Variants in ZNRF1 observed in about 807,000 individuals in gnomAD.
ZNRF1 encodes the protein E3 ubiquitin-protein ligase ZNRF1.
A neutral mutation model predicts 18.4 loss-of-function variants in ZNRF1; 3 were observed. That is an observed-to-expected ratio of 0.16 (90% confidence interval 0.07 to 0.42). The LOEUF is 0.42. Ranked by LOEUF, ZNRF1 falls within the 10% of genes least tolerant of loss-of-function variation. The pLI is 0.99. For synonymous variants in ZNRF1, 157 were observed against 144.2 expected (o/e 1.09, Z -0.64); for missense variants, 310 against 329.8 (o/e 0.94, Z 0.47).
intron 1 of ZNRF1, among the ~76,000 whole-genome samples, chr16:75,050,818 C>T (rs1275795869): frequency 7.9e-6 from 1 of 127,212 alleles, no homozygotes; most frequent in Non-Finnish European, 1.6e-5. Context: ...TTGCAGTGAG[C>T]CAAGATTGCG....
intron 1 of ZNRF1, among the ~76,000 whole-genome samples, chr16:75,044,530 A>AT (rs35670893): frequency 0.064 from 9,168 of 143,538 alleles, 456 homozygotes; most frequent in Admixed American, 0.12. Flanking sequence ...GCACCCAGCC[A>AT]TTTTTTTTTT....
intron 4 of ZNRF1, chr16:75,106,811 G>A (rs1415968256): frequency 1.9e-5 from 9 of 463,172 alleles, no homozygotes; most frequent in Non-Finnish European, 1.6e-5. Flanking sequence ...AGGATCAGTT[G>A]GGGAAGAGAC....
chr16:74,999,260 C>T lies in ZNRF1; in HGVS notation c.-412C>T, dbSNP rs1226670915. 2.1e-5 allele frequency: 3 copies of T among 144,472 alleles called. No individual in the cohort carries two copies. Among genetic ancestry groups the T allele is most frequent in the Non-Finnish European group, 4.6e-5 (3 of 65,850 alleles). The allele number at this position is 144,472 out of a possible 1,614,324, so 8.9% of individuals were successfully genotyped here. A position where few individuals can be genotyped will look rare whatever the true frequency, so the allele number is the denominator to read the frequency against. On this transcript the variant is annotated 5_prime_UTR_variant, in exon 1 of 5. Coordinates refer to ENST00000335325, the MANE Select transcript of ZNRF1 (RefSeq NM_032268.5). ...GACGCGCCCGGCGCCCCCGGCCCTC[C>T]TCCGCCTCCTCCCGCGGGGCGGGCG... is the stretch of plus-strand genomic sequence containing the variant.
At chr16:75,101,930 C>G (rs766403454) in intron 2 of ZNRF1, among the ~76,000 whole-genome samples, 83 of 152,204 alleles carry the variant, frequency 5.5e-4, no homozygotes, top group Non-Finnish European at 4.9e-4. Context: ...ACAGACACTT[C>G]AGCAGCAGAC....
intron 1 of ZNRF1, 89 bp downstream of exon 1, chr16:75,000,184 T>C (rs958865746): frequency 7.3e-6 from 11 of 1,504,770 alleles, no homozygotes; most frequent in Non-Finnish European, 8.1e-6. Flanking sequence ...GGGAATGTAG[T>C]GCACGACCGG....
Position 75,098,087 on chromosome 16 carries a change from G to C in ZNRF1, c.520+4420G>C, listed in dbSNP as rs1386513295. Among the ~76,000 whole-genome samples the C allele has an allele frequency of 2.6e-5, 4 of 152,218 alleles. No individual in the cohort carries two copies. In the East Asian group the frequency reaches 7.7e-4, roughly 29 times the overall value. ...GGCTGGAGTCAGGCTGGACAGGCTG[G>C]AGTCAGACTGCGGAGGTGTCTGTCC... On this transcript the variant is annotated intron_variant, in intron 2 of 4. Coordinates refer to ENST00000335325, the MANE Select transcript of ZNRF1 (RefSeq NM_032268.5).
At chr16:75,043,614 G>A (rs2035476838) in intron 1 of ZNRF1, among the ~76,000 whole-genome samples, 1 of 151,922 alleles carries the variant, frequency 6.6e-6, no homozygotes, top group African/African-American at 2.4e-5. Context: ...GATAAGACAT[G>A]GTTCTTGCCC....
At chr16:75,086,917 G>A (rs758654945) in intron 1 of ZNRF1, among the ~76,000 whole-genome samples, 1 of 152,070 alleles carries the variant, frequency 6.6e-6, no homozygotes, top group Non-Finnish European at 1.5e-5. Context: ...AACTGGGGCA[G>A]CCTTTAAAAT....
chr16:75,052,691 T>C lies in ZNRF1; in HGVS notation c.425-40881T>C, dbSNP rs528732892. 7.2e-5 allele frequency among the ~76,000 whole-genome samples: 11 copies of C among 152,224 alleles called. 1 individual carries two copies. Among genetic ancestry groups the C allele is most frequent in the African/African-American group, 1.9e-4 (8 of 41,538 alleles). ...CAGGCAGGTGTGTCAGACAGTAAAA[T>C]TGAGAGAACTGTTCAGTGAACACCC... On this transcript the variant is annotated intron_variant, in intron 1 of 4. Coordinates refer to ENST00000335325, the MANE Select transcript of ZNRF1 (RefSeq NM_032268.5).
chr16:75,053,939 C>G (rs1427263296), intron 1 of ZNRF1, among the ~76,000 whole-genome samples: 1 of 152,162 alleles, frequency 6.6e-6, no homozygotes, highest in Non-Finnish European at 1.5e-5. Context: ...GTTACATATT[C>G]CCTTTGGTGA....
chr16:75,068,496 C>T (rs1019713953), intron 1 of ZNRF1, among the ~76,000 whole-genome samples: 5 of 152,168 alleles, frequency 3.3e-5, no homozygotes, highest in African/African-American at 1.2e-4. Flanking sequence ...CACTCTGATC[C>T]ATATCTACTG....
chr16:75,093,977 A>G (rs1278627969), intron 2 of ZNRF1, among the ~76,000 whole-genome samples: 1 of 152,190 alleles, frequency 6.6e-6, no homozygotes, highest in Non-Finnish European at 1.5e-5. Flanking sequence ...TGGGAGATGC[A>G]GCCTTTCCTT....
At chr16:75,087,296 C>G (rs539708521) in intron 1 of ZNRF1, among the ~76,000 whole-genome samples, 1 of 152,258 alleles carries the variant, frequency 6.6e-6, no homozygotes, top group Non-Finnish European at 1.5e-5. Context: ...GTGGGCTTAC[C>G]CTGATGTTGT....
At chr16:75,072,677 A>C (rs2035883867) in intron 1 of ZNRF1, among the ~76,000 whole-genome samples, 1 of 152,248 alleles carries the variant, frequency 6.6e-6, no homozygotes, top group Non-Finnish European at 1.5e-5. Context: ...ATACACAAAC[A>C]CATACACACT....
At chr16:75,025,833 TTGGATCGACATC>T (rs2035215329) in intron 1 of ZNRF1, among the ~76,000 whole-genome samples, 1 of 151,952 alleles carries the variant, frequency 6.6e-6, no homozygotes, top group Non-Finnish European at 1.5e-5. Flanking sequence ...AATTTTTATC[TTGGATCGACATC>T]TGAGAGCTCT....
intron 1 of ZNRF1, among the ~76,000 whole-genome samples, chr16:75,073,266 A>T (rs1343679582): frequency 4.6e-5 from 7 of 150,984 alleles, no homozygotes; most frequent in Non-Finnish European, 8.9e-5. Flanking sequence ...TTTTTTTTTC[A>T]CAATTGTTGA....
intron 1 of ZNRF1, among the ~76,000 whole-genome samples, chr16:75,039,123 T>C (rs2035409660): frequency 6.6e-6 from 1 of 152,230 alleles, no homozygotes; most frequent in Non-Finnish European, 1.5e-5. Context: ...ATAGTTCCTA[T>C]AGATCTAACA....
chr16:75,009,056 C>G (rs1221397702), intron 1 of ZNRF1, among the ~76,000 whole-genome samples: 1 of 152,140 alleles, frequency 6.6e-6, no homozygotes, highest in Non-Finnish European at 1.5e-5. Context: ...GTATCTTTGT[C>G]ATCCCTAGAG....
Position 75,002,159 on chromosome 16 carries a change from C to G in ZNRF1, c.424+2064C>G, listed in dbSNP as rs534906161. On this transcript the variant is annotated intron_variant, in intron 1 of 4. Transcript: ENST00000335325. ...ATGCCCTCTGGGGTGTGGGTGGTAT[C>G]ACTCTGGTTGAGAACCACTGCTTTA... is the stretch of plus-strand genomic sequence containing the variant. 6 of 152,330 alleles carry G rather than the reference C, an allele frequency of 3.9e-5. No homozygotes were observed. The East Asian group carries it at 1.2e-3, about 29-fold the overall frequency. The allele number at this position is 152,330 out of a possible 1,614,324, so 9.4% of individuals were successfully genotyped here. A position where few individuals can be genotyped will look rare whatever the true frequency, so the allele number is the denominator to read the frequency against.
Sources: gnomAD v4.1 joint callset for allele counts (sites outside exome capture counted in the v4.1 genomes callset) on GRCh38, gnomAD v4.1.1 for gene constraint, MANE v1.5 for transcripts, NCBI Gene and HGNC (gene_info 2026-07-23, HGNC 2026-07-21) for gene names.